CAMKMT: variants seen among roughly 807,000 people sequenced by gnomAD.
CAMKMT encodes the protein calmodulin-lysine N-methyltransferase.
A neutral mutation model predicts 48.0 loss-of-function variants in CAMKMT; 53 were observed. That is an observed-to-expected ratio of 1.10 (90% confidence interval 0.89 to 1.39). The LOEUF is 1.39. Ranked by LOEUF, CAMKMT falls within the 40% of genes most tolerant of loss-of-function variation. CAMKMT has a pLI of 0.00. For synonymous variants in CAMKMT, 165 were observed against 152.3 expected (o/e 1.08, Z -0.61); for missense variants, 428 against 402.7 (o/e 1.06, Z -0.54).
intron 7 of CAMKMT, among the ~76,000 whole-genome samples, chr2:44,716,846 G>C (rs1678199634): frequency 6.6e-6 from 1 of 152,162 alleles, no homozygotes; most frequent in African/African-American, 2.4e-5. Context: ...TTCAGCATAT[G>C]GAATCAGGGA....
At position 44,539,813 on chromosome 2, in the gene CAMKMT, G is replaced by A. The variant is rs1365946419; in HGVS notation, c.376+149508G>A. On this transcript the variant is annotated intron_variant, in intron 3 of 10. Coordinates refer to ENST00000378494, the MANE Select transcript of CAMKMT (RefSeq NM_024766.5). ...CAAGCATATTACCAGAAATGATGAT[G>A]CACTTTATTGGCATGTCATATCAGG... Among the ~76,000 whole-genome samples, 3 of 152,068 alleles carry A rather than the reference G, an allele frequency of 2.0e-5. No individual in the cohort carries two copies. In the East Asian group the frequency reaches 5.8e-4, roughly 29 times the overall value.
chr2:44,674,323 G>A (rs936746019), intron 3 of CAMKMT, among the ~76,000 whole-genome samples: 2 of 152,196 alleles, frequency 1.3e-5, no homozygotes, highest in East Asian at 1.9e-4. Flanking sequence ...TTGCCCCTTT[G>A]TATTGTAACA....
intron 3 of CAMKMT, among the ~76,000 whole-genome samples, chr2:44,525,696 G>A (rs909315147): frequency 1.2e-4 from 18 of 152,122 alleles, no homozygotes; most frequent in Non-Finnish European, 1.9e-4. Flanking sequence ...GGGAATTAGT[G>A]TACTTATTTT....
intron 3 of CAMKMT, among the ~76,000 whole-genome samples, chr2:44,641,731 T>C (rs1281931609): frequency 6.6e-6 from 1 of 151,910 alleles, no homozygotes; most frequent in Non-Finnish European, 1.5e-5. Context: ...ATAACTTTTG[T>C]ATTTTTTGTA....
intron 2 of CAMKMT, 94 bp downstream of exon 2, chr2:44,372,982 A>C: frequency 8.6e-7 from 1 of 1,168,116 alleles, no homozygotes; most frequent in South Asian, 1.5e-5. Flanking sequence ...TATTCTATTG[A>C]GTTTACGGGC....
At chr2:44,414,432 C>T (rs569459811) in intron 3 of CAMKMT, among the ~76,000 whole-genome samples, 2 of 152,224 alleles carry the variant, frequency 1.3e-5, no homozygotes, top group South Asian at 2.1e-4. Flanking sequence ...GGGTCACTCA[C>T]ATGGTTGTTG....
intron 3 of CAMKMT, among the ~76,000 whole-genome samples, chr2:44,697,227 C>A (rs527501081): frequency 2.6e-5 from 4 of 152,226 alleles, no homozygotes; most frequent in East Asian, 1.9e-4. Flanking sequence ...TCTCCTACCC[C>A]CTTTTTCAAG....
At chr2:44,626,436 A>C (rs1443553459) in intron 3 of CAMKMT, among the ~76,000 whole-genome samples, 1 of 152,138 alleles carries the variant, frequency 6.6e-6, no homozygotes, top group African/African-American at 2.4e-5. Context: ...AAAGGATTTT[A>C]TAGAATATTT....
At chr2:44,683,816 C>A (rs1239126440) in intron 3 of CAMKMT, among the ~76,000 whole-genome samples, 3 of 68,862 alleles carry the variant, frequency 4.4e-5, no homozygotes, top group Admixed American at 2.4e-4. Flanking sequence ...GAGCGAGACT[C>A]TGTCTCAAAA....
At chr2:44,498,355 C>A (rs1025304793) in intron 3 of CAMKMT, among the ~76,000 whole-genome samples, 5 of 152,146 alleles carry the variant, frequency 3.3e-5, no homozygotes, top group Admixed American at 6.6e-5. Context: ...TAGGCTCTTA[C>A]ACTGAGAAAT....
chr2:44,557,612 A>G (rs1340576160), intron 3 of CAMKMT, among the ~76,000 whole-genome samples: 1 of 152,156 alleles, frequency 6.6e-6, no homozygotes, highest in Non-Finnish European at 1.5e-5. Context: ...CTATGTGTAA[A>G]ATAGAAACAG....
At chr2:44,545,772 A>C (rs1427865963) in intron 3 of CAMKMT, among the ~76,000 whole-genome samples, 1 of 151,694 alleles carries the variant, frequency 6.6e-6, no homozygotes, top group Non-Finnish European at 1.5e-5. Context: ...CACCTTGTAG[A>C]ATAATACAAG....
intron 3 of CAMKMT, among the ~76,000 whole-genome samples, chr2:44,396,195 T>G (rs1329837383): frequency 6.6e-6 from 1 of 152,142 alleles, no homozygotes; most frequent in African/African-American, 2.4e-5. Context: ...TTTAATATAT[T>G]GAAATCAAGA....
At chr2:44,580,164 C>T (rs185131154) in intron 3 of CAMKMT, among the ~76,000 whole-genome samples, 8 of 151,820 alleles carry the variant, frequency 5.3e-5, no homozygotes, top group Non-Finnish European at 2.9e-5. Context: ...CTTATAGGAA[C>T]CCAAGCAGCT....
At chr2:44,610,071 G>C (rs1671513888) in intron 3 of CAMKMT, among the ~76,000 whole-genome samples, 1 of 152,084 alleles carries the variant, frequency 6.6e-6, no homozygotes, top group South Asian at 2.1e-4. Context: ...TCCCCACTAA[G>C]GAAGGAGGTT....
chr2:44,600,475 C>T lies in CAMKMT; in HGVS notation c.377-103808C>T, dbSNP rs748904836. 2.2e-4 allele frequency among the ~76,000 whole-genome samples: 33 copies of T among 152,028 alleles called. 1 individual carries two copies. Among genetic ancestry groups the T allele is most frequent in the Admixed American group, 1.4e-3 (22 of 15,246 alleles). On this transcript the variant is annotated intron_variant, in intron 3 of 10. Coordinates refer to ENST00000378494, the MANE Select transcript of CAMKMT (RefSeq NM_024766.5). Reference sequence around the variant, plus strand: ...AGAGAGACAGGGTTTTGCCATGTTGCTAAGGCTGGTTTCAAACTCCTGGGC... The same window carrying T: ...AGAGAGACAGGGTTTTGCCATGTTGTTAAGGCTGGTTTCAAACTCCTGGGC...
At chr2:44,588,206 C>T (rs1400639237) in intron 3 of CAMKMT, among the ~76,000 whole-genome samples, 6 of 121,074 alleles carry the variant, frequency 5.0e-5, no homozygotes, top group African/African-American at 9.4e-5. Context: ...GCCTGGCAAC[C>T]GCCCCGTCTG....
In CAMKMT at chr2:44,746,826, G is replaced by A. The variant is rs183525795; in HGVS notation, c.698+3130G>A. 5.6e-4 allele frequency among the ~76,000 whole-genome samples: 85 copies of A among 152,266 alleles called. 1 individual carries two copies. The highest frequency in any genetic ancestry group is 1.2e-3 in the Admixed American group (19 of 15,298). On this transcript the variant is annotated intron_variant, in intron 8 of 10. Coordinates refer to ENST00000378494, the MANE Select transcript of CAMKMT (RefSeq NM_024766.5). ...TGGAATGCAGTCCAGCCTGGTCCTT[G>A]CTGAGTTAGAATAGTGAGTGATTGT...
chr2:44,592,393 A>T (rs903072710), intron 3 of CAMKMT, among the ~76,000 whole-genome samples: 1 of 151,974 alleles, frequency 6.6e-6, no homozygotes, highest in African/African-American at 2.4e-5. Flanking sequence ...TTCCTTTATT[A>T]TCTTTTTACC....
Sources: gnomAD v4.1 joint callset for allele counts (sites outside exome capture counted in the v4.1 genomes callset) on GRCh38, gnomAD v4.1.1 for gene constraint, MANE v1.5 for transcripts, NCBI Gene and HGNC (gene_info 2026-07-23, HGNC 2026-07-21) for gene names.